Variants in ADAMTS13 observed in about 807,000 individuals in gnomAD.
The protein encoded by ADAMTS13 is ADAM metallopeptidase with thrombospondin type 1 motif 13.
Under a neutral mutation model 155.1 loss-of-function variants are expected in ADAMTS13, and 110 were observed. That is an observed-to-expected ratio of 0.71 (90% CI 0.61 to 0.83). The LOEUF is 0.83. Among genes scored for constraint, ADAMTS13 ranks in the 40% least tolerant of loss-of-function variants. The probability of loss-of-function intolerance (pLI) is 0.00; values close to 1 mark genes in which losing one functional copy is unlikely to be tolerated. For missense variants in ADAMTS13, 1,707 were observed against 1,891.7 expected (o/e 0.90, Z 1.81); for synonymous variants, 758 against 756.4 (o/e 1.00, Z -0.03).
intron 7 of ADAMTS13, 147 bp from the exon 8 acceptor site, chr9:133,429,792 G>C: frequency 8.9e-7 from 1 of 1,120,982 alleles, no homozygotes; most frequent in Non-Finnish European, 1.3e-6. Context: ...CCGGCTCCTG[G>C]TGGGGGGCGC....
At chr9:133,417,612 A>G, upstream of ADAMTS13, 2 of 1,599,408 alleles carry the variant, frequency 1.3e-6, no homozygotes, top group Non-Finnish European at 8.6e-7. Context: ...GGCCCCCTCA[A>G]GCCTCACCTC....
At chr9:133,438,403 C>T in intron 14 of ADAMTS13, 37 bp downstream of exon 14, 7 of 1,611,104 alleles carry the variant, frequency 4.3e-6, no homozygotes, top group Non-Finnish European at 5.9e-6. Flanking sequence ...CTGGGCTTCC[C>T]CCAGCCTCCA....
chr9:133,456,708 C>T lies in ADAMTS13; in HGVS notation c.3713C>T (p.Thr1238Ile). 6.4e-7 allele frequency: 1 copy of T among 1,566,820 alleles called. No homozygotes were observed. Among genetic ancestry groups the T allele is most frequent in the Non-Finnish European group, 8.7e-7 (1 of 1,154,874 alleles). The change falls in exon 27 of 29, where the codon ACC becomes ATC. Residue 1238 changes from threonine to isoleucine, a missense_variant. By Grantham distance (89) the Thr-to-Ile change is moderately conservative. Coordinates refer to ENST00000355699, the MANE Select transcript of ADAMTS13 (RefSeq NM_139027.6). The surrounding 1 kb of genome is among the most constrained non-coding windows in gnomAD (Gnocchi z 4.4). Reference sequence around the variant, plus strand: ...TATGGGAGCCAGCTTGCTCCTGAAACCTTCTACAGAGGTATGGCCAGGCCT... The same window carrying T: ...TATGGGAGCCAGCTTGCTCCTGAAATCTTCTACAGAGGTATGGCCAGGCCT... ...LRYGSQLAPE[T>I]FYRECDMQLF...
intron 11 of ADAMTS13, among the ~76,000 whole-genome samples, chr9:133,434,336 C>T (rs1300348418): frequency 6.6e-6 from 1 of 152,120 alleles, no homozygotes; most frequent in African/African-American, 2.4e-5. Flanking sequence ...GACAGAGTCT[C>T]TCCCTGTCAC....
At chr9:133,444,786 C>T (rs1841940711) in intron 19 of ADAMTS13, 77 bp from the exon 20 acceptor site, 1 of 1,496,708 alleles carries the variant, frequency 6.7e-7, no homozygotes, top group African/African-American at 1.4e-5. Context: ...CCCTTCCTCC[C>T]TGCCCCTAGC....
upstream of ADAMTS13, among the ~76,000 whole-genome samples, chr9:133,420,334 C>T (rs587695768): frequency 1.7e-4 from 26 of 152,306 alleles, no homozygotes; most frequent in East Asian, 3.9e-4. Flanking sequence ...GGATTAAAGG[C>T]GTGAGCCACC....
Position 133,432,568 on chromosome 9 carries a change from C to T in ADAMTS13, c.988-20C>T. 1 of 1,548,182 alleles carries T rather than the reference C, an allele frequency of 6.5e-7. No individual in the cohort carries two copies. The highest frequency in any genetic ancestry group is 1.4e-5 in the African/African-American group (1 of 73,138). On this transcript the variant is annotated intron_variant, in intron 8 of 28. Coordinates refer to ENST00000355699, the MANE Select transcript of ADAMTS13 (RefSeq NM_139027.6). ...CCCTGGTGGCCCCTGAGCTCGCCAC[C>T]CACCTGTCCACCCTCCTAGGATATG...
chr9:133,439,501 A>G, intron 15 of ADAMTS13, 55 bp downstream of exon 15: 1 of 1,496,374 alleles, frequency 6.7e-7, no homozygotes, highest in South Asian at 1.1e-5. Context: ...GGTGCAGAGC[A>G]CTGTTGCCAA....
Position 133,424,225 on chromosome 9 carries a change from G to A in ADAMTS13, c.173-96G>A, listed in dbSNP as rs1369321931. On this transcript the variant is annotated intron_variant, in intron 2 of 28. Coordinates refer to ENST00000355699, the MANE Select transcript of ADAMTS13 (RefSeq NM_139027.6). The surrounding 1 kb of genome is among the most constrained non-coding windows in gnomAD (Gnocchi z 4.3). ...GACACGCAATGTCTTGACTTCGGAA[G>A]GCCATCCTTCCAAGACCTGCCAGCC... is the stretch of plus-strand genomic sequence containing the variant. 6 of 1,578,352 alleles carry A rather than the reference G, an allele frequency of 3.8e-6. No homozygotes were observed. The African/African-American group carries it at 8.1e-5, about 21-fold the overall frequency.
Position 133,442,702 on chromosome 9 carries a change from A to C in ADAMTS13, c.2193A>C (p.Pro731=). The C allele has an allele frequency of 6.2e-7, 1 of 1,613,092 alleles. No individual in the cohort carries two copies. The change falls in exon 18 of 29, where the codon CCA becomes CCC. Residue 731 remains proline (P), a synonymous_variant. Coordinates refer to ENST00000355699, the MANE Select transcript of ADAMTS13 (RefSeq NM_139027.6). ...AGTGCCAAGGGAGCCAGCAGCCACC[A>C]GCGTGGCCAGAGGCCTGCGTGCTCG... ...TVQCQGSQQP[P]AWPEACVLEP...
At chr9:133,453,053 G>C (rs1385299247) in intron 23 of ADAMTS13, among the ~76,000 whole-genome samples, 1 of 152,050 alleles carries the variant, frequency 6.6e-6, no homozygotes, top group Non-Finnish European at 1.5e-5. Context: ...GCTCTGCTTG[G>C]CACTTTGGGA....
At chr9:133,431,411 C>T (rs1343420087) in intron 8 of ADAMTS13, among the ~76,000 whole-genome samples, 1 of 149,822 alleles carries the variant, frequency 6.7e-6, no homozygotes, top group East Asian at 2.0e-4. Flanking sequence ...ACTGCAACCT[C>T]CGCCTCCCAG....
rs1840232193 is a variant in ADAMTS13, at chr9:133,425,656, GC to G, written c.414+47del. 6.3e-7 allele frequency: 1 copy of G among 1,595,046 alleles called. No individual in the cohort carries two copies. The highest frequency in any genetic ancestry group is 1.7e-5 in the Admixed American group (1 of 58,338). On this transcript the variant is annotated intron_variant, in intron 4 of 28. Coordinates refer to ENST00000355699, the MANE Select transcript of ADAMTS13 (RefSeq NM_139027.6). The surrounding 1 kb of genome is among the most constrained non-coding windows in gnomAD (Gnocchi z 4.6). ...CTCAGCACACCATACAGAGCGGGAAGCCCAAGTCATCGCATCTCCATCCTCT... is the reference window on the plus strand; with the variant it reads ...CTCAGCACACCATACAGAGCGGGAAGCCAAGTCATCGCATCTCCATCCTCT...
chr9:133,422,631 A>C (rs1307009780), intron 1 of ADAMTS13, 83 bp downstream of exon 1: 2 of 1,369,780 alleles, frequency 1.5e-6, no homozygotes, highest in African/African-American at 2.9e-5. Flanking sequence ...GGGAGTGCCA[A>C]ATAGCTGACT....
chr9:133,418,811 C>T (rs114489243), upstream of ADAMTS13, among the ~76,000 whole-genome samples: 1,592 of 152,282 alleles, frequency 0.01, 24 homozygotes, highest in African/African-American at 0.036. Context: ...GCCCAGGGCG[C>T]GGCGCCGGGC....
chr9:133,458,607 C>T (rs1842899005), intron 28 of ADAMTS13, among the ~76,000 whole-genome samples: 1 of 134,122 alleles, frequency 7.5e-6, no homozygotes, highest in Non-Finnish European at 1.6e-5. Context: ...AAAGACCTTT[C>T]TGATGTAGAC....
intron 11 of ADAMTS13, among the ~76,000 whole-genome samples, chr9:133,434,473 T>C (rs1423691179): frequency 6.6e-6 from 1 of 152,016 alleles, no homozygotes; most frequent in African/African-American, 2.4e-5. Context: ...GCCCGGCTAA[T>C]TTTTTGTATT....
rs3780809 is a variant in ADAMTS13 at position 133,437,563 on chromosome 9, T to C, written c.1436-186T>C. ...ATGAACCATTGCGCCCAGCCTTGGT[T>C]CCTAATTCAATACCATTAATTATTA... On this transcript the variant is annotated intron_variant, in intron 12 of 28. Coordinates refer to ENST00000355699, the MANE Select transcript of ADAMTS13 (RefSeq NM_139027.6). 0.32 allele frequency among the ~76,000 whole-genome samples: 48,501 copies of C among 152,120 alleles called. 9,652 individuals carry two copies. Among genetic ancestry groups the C allele is most frequent in the Non-Finnish European group, 0.43 (29,436 of 67,982 alleles).
At position 133,437,844 on chromosome 9, in the gene ADAMTS13, A is replaced by G. The variant is rs144618753; in HGVS notation, c.1531A>G (p.Ser511Gly). 2 of 1,613,958 alleles carry G rather than the reference A, an allele frequency of 1.2e-6. No homozygotes were observed. The highest frequency in any genetic ancestry group is 2.2e-5 in the East Asian group (1 of 44,882). The change falls in exon 13 of 29, where the codon AGT (serine) becomes GGT (glycine). Residue 511 changes from serine to glycine, a missense_variant. Ser to Gly is a moderately conservative substitution (Grantham distance 56, BLOSUM62 0). Around this residue, in one of 3 missense-constraint regions of ADAMTS13, gnomAD observed 733 missense variants for 749.6 expected, o/e 0.98. Transcript: ENST00000355699. The stretch of plus-strand genomic sequence containing the variant: ...CCTCGATGGGACCCGGTGTATGCCA[A>G]GTGGCCCCCGGGAGGACGGGACCCT... ...SFLDGTRCMP[S>G]GPREDGTLSL...
Sources: gnomAD v4.1 joint callset for allele counts (sites outside exome capture counted in the v4.1 genomes callset) on GRCh38, gnomAD v4.1.1 for gene constraint, gnomAD v4.1.1 regional missense constraint, Gnocchi (gnomAD v3.1) non-coding constraint, MANE v1.5 for transcripts, NCBI Gene and HGNC (gene_info 2026-07-23, HGNC 2026-07-21) for gene names.